GAS2: variants seen among roughly 807,000 people sequenced by gnomAD.
GAS2 encodes growth arrest specific 2.
A neutral mutation model predicts 37.5 loss-of-function variants in GAS2; 20 were observed. The observed-to-expected ratio is 0.53, with a 90% confidence interval of 0.37 to 0.77. GAS2 has a LOEUF of 0.77. GAS2 is among the 30% of genes least tolerant of loss of function. The pLI is 0.00. For missense variants in GAS2, 336 were observed against 373.4 expected, an observed-to-expected ratio of 0.90 and a Z score of 0.82; for synonymous variants, 144 against 132.2, an observed-to-expected ratio of 1.09 and a Z score of -0.61.
At chr11:22,714,019 C>A (rs1415245197) in intron 3 of GAS2, among the ~76,000 whole-genome samples, 2 of 152,120 alleles carry the variant, frequency 1.3e-5, no homozygotes, top group African/African-American at 4.8e-5. Context: ...TAGAACACTA[C>A]TATGTCACAT....
At chr11:22,776,894 T>C (rs1855288012) in intron 7 of GAS2, among the ~76,000 whole-genome samples, 1 of 152,154 alleles carries the variant, frequency 6.6e-6, no homozygotes, top group South Asian at 2.1e-4. Context: ...TGGACAGTGT[T>C]ATATGTTAGT....
intron 2 of GAS2, among the ~76,000 whole-genome samples, chr11:22,677,027 A>C (rs943959894): frequency 2.0e-5 from 3 of 152,220 alleles, no homozygotes; most frequent in Non-Finnish European, 4.4e-5. Context: ...ACAGTCATCT[A>C]GGTACTAGAG....
intron 3 of GAS2, among the ~76,000 whole-genome samples, chr11:22,724,413 T>A (rs1298343876): frequency 6.6e-6 from 1 of 152,038 alleles, no homozygotes; most frequent in African/African-American, 2.4e-5. Flanking sequence ...TGTACATATA[T>A]TTTAATCATG....
At chr11:22,655,688 C>T (rs1046388900) in intron 1 of GAS2, among the ~76,000 whole-genome samples, 1 of 152,160 alleles carries the variant, frequency 6.6e-6, no homozygotes, top group Admixed American at 6.5e-5. Flanking sequence ...AAATCTGCCT[C>T]AATGAAAAAA....
chr11:22,812,045 C>A lies in GAS2; in HGVS notation c.*29C>A, dbSNP rs766821097. The A allele has an allele frequency of 8.6e-6, 13 of 1,510,834 alleles. No homozygotes were observed. The East Asian group carries it at 2.9e-4, about 34-fold the overall frequency. The allele number at this position is 1,510,834 out of a possible 1,614,324, so 93.6% of individuals were successfully genotyped here. A position where few individuals can be genotyped will look rare whatever the true frequency, so the allele number is the denominator to read the frequency against. On this transcript the variant is annotated 3_prime_UTR_variant, in exon 8 of 8. Transcript: ENST00000454584. The stretch of plus-strand genomic sequence containing the variant: ...AAATTGGTCATGACAAGGGGACCCT[C>A]ATAATGGCCTGTATCCACTTCTCCA...
intron 1 of GAS2, among the ~76,000 whole-genome samples, chr11:22,637,974 T>G (rs1590556209): frequency 6.6e-6 from 1 of 152,010 alleles, no homozygotes; most frequent in African/African-American, 2.4e-5. Context: ...TTTTTCTTTT[T>G]CCAGTTTCAG....
intron 7 of GAS2, among the ~76,000 whole-genome samples, chr11:22,809,244 A>C (rs1045470100): frequency 6.6e-6 from 1 of 152,128 alleles, no homozygotes; most frequent in African/African-American, 2.4e-5. Context: ...AAGAAGAACA[A>C]ATCAGTCTCG....
chr11:22,733,120 C>T (rs965694649), intron 4 of GAS2, among the ~76,000 whole-genome samples: 3 of 151,272 alleles, frequency 2.0e-5, no homozygotes, highest in African/African-American at 7.3e-5. Context: ...TATTGTTTAC[C>T]GGGTACCATG....
At chr11:22,626,190 TTAAG>T (rs1240207171) in intron 1 of GAS2, 2 of 310,014 alleles carry the variant, frequency 6.5e-6, no homozygotes, top group Non-Finnish European at 1.3e-5. Flanking sequence ...TTTTTCAAAA[TTAAG>T]TAACGCCAGA....
At chr11:22,643,044 G>A (rs1183338675) in intron 1 of GAS2, among the ~76,000 whole-genome samples, 2 of 151,724 alleles carry the variant, frequency 1.3e-5, no homozygotes, top group East Asian at 3.9e-4. Flanking sequence ...TATCTCTTTG[G>A]TTTTGCTTTC....
upstream of GAS2, among the ~76,000 whole-genome samples, chr11:22,664,718 A>C (rs561092711): frequency 6.6e-6 from 1 of 152,288 alleles, no homozygotes; most frequent in African/African-American, 2.4e-5. Flanking sequence ...TCTTTGACAA[A>C]TATATCAGTG....
At chr11:22,730,592 A>G (rs1852423186) in intron 4 of GAS2, among the ~76,000 whole-genome samples, 1 of 151,816 alleles carries the variant, frequency 6.6e-6, no homozygotes, top group Admixed American at 6.6e-5. Context: ...CTGATATATT[A>G]AGATCAATAA....
At chr11:22,628,161 G>A (rs1262624992) in intron 1 of GAS2, among the ~76,000 whole-genome samples, 1 of 152,096 alleles carries the variant, frequency 6.6e-6, no homozygotes, top group African/African-American at 2.4e-5. Context: ...GAAAAGCCTA[G>A]CATTTCAACC....
intron 5 of GAS2, among the ~76,000 whole-genome samples, chr11:22,741,502 A>G (rs934197275): frequency 2.6e-5 from 4 of 152,130 alleles, no homozygotes; most frequent in African/African-American, 9.7e-5. Flanking sequence ...CATAATCAAT[A>G]ATCAGTGGTA....
chr11:22,720,807 C>A (rs551925778), intron 3 of GAS2, among the ~76,000 whole-genome samples: 70 of 152,026 alleles, frequency 4.6e-4, no homozygotes, highest in African/African-American at 1.7e-3. Context: ...ATTTAAACTA[C>A]CAGTATTAAA....
chr11:22,731,562 GT>G (rs1650652168), intron 4 of GAS2, among the ~76,000 whole-genome samples: 1 of 151,644 alleles, frequency 6.6e-6, no homozygotes, highest in African/African-American at 2.4e-5. Context: ...TTGAACATTG[GT>G]GAGCATTTTG....
intron 7 of GAS2, among the ~76,000 whole-genome samples, chr11:22,791,182 C>T (rs1214192384): frequency 6.6e-6 from 1 of 152,130 alleles, no homozygotes; most frequent in East Asian, 1.9e-4. Context: ...GGTGAAGATA[C>T]TGAGTGACTG....
intron 1 of GAS2, among the ~76,000 whole-genome samples, chr11:22,636,364 C>A (rs1444351990): frequency 6.6e-6 from 1 of 152,036 alleles, no homozygotes; most frequent in African/African-American, 2.4e-5. Flanking sequence ...CCTCACGGGC[C>A]CTGGTAAGGA....
chr11:22,779,458 G>A (rs552779010), intron 7 of GAS2, among the ~76,000 whole-genome samples: 2 of 152,292 alleles, frequency 1.3e-5, no homozygotes, highest in Admixed American at 6.5e-5. Flanking sequence ...AGCACTTTGG[G>A]AGGCCAAGGC....
Sources: gnomAD v4.1 joint callset for allele counts (sites outside exome capture counted in the v4.1 genomes callset) on GRCh38, gnomAD v4.1.1 for gene constraint, MANE v1.5 for transcripts, NCBI Gene and HGNC (gene_info 2026-07-23, HGNC 2026-07-21) for gene names.